The following CEP152 variants were observed in gnomAD, a reference collection of about 807,000 sequenced individuals.
The protein encoded by CEP152 is centrosomal protein 152, also known as centrosomal protein of 152 kDa.
In CEP152, 132 loss-of-function variants were observed where a neutral mutation model predicts 188.9. The observed-to-expected ratio is 0.70, with a 90% CI of 0.61 to 0.81. The LOEUF (loss-of-function observed/expected upper bound fraction) is 0.81, where lower values mean the gene tolerates loss of function less well. CEP152 is among the 30% of genes least tolerant of loss of function. The pLI, the probability that CEP152 is intolerant of heterozygous loss-of-function variation, is 0.00. For missense variants in CEP152, 1,914 were observed against 1,969.8 expected (o/e 0.97, Z 0.54); for synonymous variants, 649 against 666.6 (o/e 0.97, Z 0.41).
chr15:48,772,426 T>C (rs1434441043), intron 13 of CEP152, 61 bp downstream of exon 13: 3 of 1,462,446 alleles, frequency 2.1e-6, no homozygotes, highest in Non-Finnish European at 2.8e-6. Flanking sequence ...AAAAAAAGTG[T>C]AAAAGTTTTC....
chr15:48,802,548 G>A (rs1211864333), intron 2 of CEP152, among the ~76,000 whole-genome samples: 1 of 152,044 alleles, frequency 6.6e-6, no homozygotes, highest in African/African-American at 2.4e-5. Context: ...GACTCACAGT[G>A]GGCCAACTTT....
chr15:48,757,823 A>T (rs778593179), intron 19 of CEP152, among the ~76,000 whole-genome samples: 3 of 152,220 alleles, frequency 2.0e-5, no homozygotes, highest in South Asian at 4.1e-4. Flanking sequence ...AGTGATTTGA[A>T]ACATGTTTAA....
Position 48,789,003 on chromosome 15 carries a change from T to C in CEP152, c.973-2A>G. The C allele has an allele frequency of 6.2e-7, 1 of 1,612,894 alleles. No homozygotes were observed. Among genetic ancestry groups the C allele is most frequent in the African/African-American group, 1.3e-5 (1 of 75,042 alleles). On this transcript the variant is annotated splice_acceptor_variant, in intron 8 of 26. Transcript: ENST00000380950. LOFTEE classifies it high-confidence loss of function. ...AGTTGTTCTGGACTTCTTGATCATC[T>C]AGTAAATACACACAGGATATCCATG...
At chr15:48,742,705 T>C (rs984818756) in intron 24 of CEP152, among the ~76,000 whole-genome samples, 6 of 152,122 alleles carry the variant, frequency 3.9e-5, no homozygotes, top group Admixed American at 3.9e-4. Flanking sequence ...GGACTTATAG[T>C]TGGCCTCTGA....
intron 13 of CEP152, 23 bp downstream of exon 13, chr15:48,772,464 T>C: frequency 6.2e-7 from 1 of 1,600,082 alleles, no homozygotes. Context: ...AAATGGTTTT[T>C]TAACTCTATA....
intron 7 of CEP152, among the ~76,000 whole-genome samples, chr15:48,792,249 C>T (rs1425756591): frequency 6.6e-6 from 1 of 152,190 alleles, no homozygotes. Flanking sequence ...CTTGACCTCC[C>T]AAAGTGCCGG....
At chr15:48,745,873 A>G (rs1018872008) in intron 22 of CEP152, among the ~76,000 whole-genome samples, 2 of 152,176 alleles carry the variant, frequency 1.3e-5, no homozygotes, top group Non-Finnish European at 2.9e-5. Context: ...CTTACAGATT[A>G]TAATAGAAAT....
intron 9 of CEP152, among the ~76,000 whole-genome samples, chr15:48,785,632 G>A (rs1056269947): frequency 3.9e-5 from 6 of 152,078 alleles, no homozygotes; most frequent in African/African-American, 1.4e-4. Context: ...AGAAAAGGCA[G>A]ACTCTGCCAA....
chr15:48,761,428 C>A (rs573854081), intron 18 of CEP152, among the ~76,000 whole-genome samples: 1 of 152,118 alleles, frequency 6.6e-6, no homozygotes, highest in African/African-American at 2.4e-5. Context: ...AACTACATAA[C>A]GGATGTATCA....
At chr15:48,746,560 T>C (rs960588881) in intron 22 of CEP152, among the ~76,000 whole-genome samples, 1 of 152,128 alleles carries the variant, frequency 6.6e-6, no homozygotes, top group Non-Finnish European at 1.5e-5. Context: ...CCCTTTCTGG[T>C]CTTAAAGTAA....
intron 6 of CEP152, among the ~76,000 whole-genome samples, chr15:48,794,197 A>G (rs1897156684): frequency 6.6e-6 from 1 of 152,158 alleles, no homozygotes; most frequent in African/African-American, 2.4e-5. Context: ...CATAATTTAA[A>G]AAAAAATTTT....
chr15:48,777,705 T>G (rs937434260), intron 12 of CEP152, among the ~76,000 whole-genome samples: 12 of 152,116 alleles, frequency 7.9e-5, no homozygotes, highest in African/African-American at 7.2e-5. Context: ...ACAAGAAATA[T>G]AAAATATTTT....
intron 22 of CEP152, 142 bp from the exon 23 acceptor site, chr15:48,745,134 C>G (rs1893309829): frequency 3.7e-6 from 2 of 545,444 alleles, no homozygotes; most frequent in Non-Finnish European, 6.3e-6. Context: ...CCTTAGAAAC[C>G]CTACTCAGAC....
downstream of CEP152, among the ~76,000 whole-genome samples, chr15:48,733,286 G>C (rs143250258): frequency 3.6e-3 from 542 of 152,174 alleles, 3 homozygotes; most frequent in African/African-American, 0.013. Context: ...ATTACACATT[G>C]CATGCATGTA....
At chr15:48,742,821 T>A (rs1273535816) in intron 24 of CEP152, among the ~76,000 whole-genome samples, 4 of 152,132 alleles carry the variant, frequency 2.6e-5, no homozygotes, top group East Asian at 1.9e-4. Flanking sequence ...TTTTTTTTTT[T>A]AATAAATCCA....
chr15:48,775,184 T>C (rs1012727549), intron 12 of CEP152, among the ~76,000 whole-genome samples: 4 of 151,914 alleles, frequency 2.6e-5, no homozygotes, highest in Non-Finnish European at 5.9e-5. Flanking sequence ...TACATGTAAC[T>C]GGAGACCCAA....
At chr15:48,776,124 G>A (rs576110659) in intron 12 of CEP152, among the ~76,000 whole-genome samples, 74 of 152,020 alleles carry the variant, frequency 4.9e-4, no homozygotes, top group Non-Finnish European at 9.6e-4. Flanking sequence ...TGGGCAGCTC[G>A]TGGCAATATT....
intron 9 of CEP152, among the ~76,000 whole-genome samples, chr15:48,788,281 A>T (rs1001816974): frequency 3.9e-5 from 6 of 152,060 alleles, no homozygotes; most frequent in African/African-American, 1.4e-4. Flanking sequence ...GGTTTCCAAA[A>T]GTATACCTTT....
Position 48,762,500 on chromosome 15 carries a change from C to T in CEP152, c.2453G>A (p.Cys818Tyr). 1 of 1,614,048 alleles carries T rather than the reference C, an allele frequency of 6.2e-7. No individual in the cohort carries two copies. ...TTGTTCTAAGTTTTGCTGGATTGTG[C>T]ACTTCTGCTCTTCTATCATAATTGC... ...EMAIMIEEQK[C>Y]TIQQNLEQEK... is the part of the protein sequence containing the mutation. The change falls in exon 18 of 27, where the codon TGC (cysteine) becomes TAC (tyrosine). Residue 818 changes from cysteine to tyrosine, a missense_variant. Cys to Tyr is a radical substitution (Grantham distance 194, BLOSUM62 -2). Coordinates refer to ENST00000380950, the MANE Select transcript of CEP152 (RefSeq NM_001194998.2).
Sources: allele counts gnomAD v4.1 joint callset (sites outside exome capture counted in the v4.1 genomes callset), GRCh38; gene constraint gnomAD v4.1.1; transcripts MANE v1.5; gene names NCBI Gene and HGNC (gene_info 2026-07-23, HGNC 2026-07-21).